TET2: variants seen among roughly 807,000 people sequenced by gnomAD.
The protein encoded by TET2 is tet methylcytosine dioxygenase 2.
Under a neutral mutation model 142.9 loss-of-function variants are expected in TET2, and 299 were observed. The observed-to-expected ratio is 2.09, with a 90% CI of 1.90 to 2.30. TET2 has a LOEUF of 2.30. Ranked by LOEUF, TET2 falls within the 30% of genes most tolerant of loss-of-function variation. The probability of loss-of-function intolerance (pLI) is 0.00; values close to 1 mark genes in which losing one functional copy is unlikely to be tolerated. For synonymous variants in TET2, 819 were observed against 849.0 expected, an observed-to-expected ratio of 0.96 and a Z score of 0.61; for missense variants, 2,418 against 2,378.0, an observed-to-expected ratio of 1.02 and a Z score of -0.35.
chr4:105,275,532 C>T lies in TET2; in HGVS notation c.5022C>T (p.Pro1674=), dbSNP rs2110313583. Residue 1674 remains proline (P), a synonymous_variant, in exon 11 of 11, where the codon CCC becomes CCT. Transcript: ENST00000380013. ...QDPLSKLSLP[P]IHTLYQPRFG... ...CTCTGTCTAAGCTCAGTCTACCACC[C>T]ATCCATACACTTTACCAGCCAAGGT... is the stretch of plus-strand genomic sequence containing the variant. The T allele has an allele frequency of 6.4e-7, 1 of 1,551,696 alleles. No homozygotes were observed. Among genetic ancestry groups the T allele is most frequent in the Non-Finnish European group, 8.7e-7 (1 of 1,146,966 alleles).
chr4:105,183,689 T>C (rs1725256347), intron 1 of TET2, among the ~76,000 whole-genome samples: 1 of 152,190 alleles, frequency 6.6e-6, no homozygotes. Flanking sequence ...TGTGGGTTTA[T>C]GGAAGTTACA....
At chr4:105,260,502 C>T (rs778135594) in intron 7 of TET2, among the ~76,000 whole-genome samples, 24 of 152,078 alleles carry the variant, frequency 1.6e-4, no homozygotes, top group Non-Finnish European at 2.8e-4. Context: ...GGACTGTCTC[C>T]GTACTAATTG....
intron 1 of TET2, among the ~76,000 whole-genome samples, chr4:105,163,404 A>G (rs1331267153): frequency 6.6e-6 from 1 of 152,212 alleles, no homozygotes; most frequent in Non-Finnish European, 1.5e-5. Flanking sequence ...AAAGGACTTT[A>G]GAGACTCAGT....
intron 1 of TET2, chr4:105,147,530 C>G (rs926190213): frequency 6.6e-6 from 1 of 151,898 alleles, no homozygotes; most frequent in Non-Finnish European, 1.5e-5. Flanking sequence ...GGGGGCTGTA[C>G]GAAGTGAATG....
intron 6 of TET2, among the ~76,000 whole-genome samples, chr4:105,244,846 G>A (rs373492073): frequency 4.0e-4 from 61 of 152,202 alleles, no homozygotes; most frequent in African/African-American, 1.2e-3. Flanking sequence ...TGCCCACCTC[G>A]GCCTCCCAAA....
At chr4:105,261,448 G>A (rs112781834) in intron 7 of TET2, among the ~76,000 whole-genome samples, 2,100 of 152,144 alleles carry the variant, frequency 0.014, 31 homozygotes, top group Middle Eastern at 0.054. Flanking sequence ...GCTAAAAAAT[G>A]TGACCTCTTT....
rs1729429627 is a variant in TET2 at position 105,243,697 on chromosome 4, C to T, written c.3722C>T (p.Ala1241Val). The change falls in exon 6 of 11, where the codon GCT becomes GTT. Residue 1241 changes from alanine to valine, a missense_variant. Transcript: ENST00000380013. ...TGGGAAGGAATCCCGCTGTCTCTGG[C>T]TGACAAACTCTACTCGGAGCTTACC... ...LVWEGIPLSL[A>V]DKLYSELTET... is the part of the protein sequence containing the mutation. 6.4e-7 allele frequency: 1 copy of T among 1,551,446 alleles called. No individual in the cohort carries two copies. The highest frequency in any genetic ancestry group is 8.7e-7 in the Non-Finnish European group (1 of 1,146,958).
intron 6 of TET2, among the ~76,000 whole-genome samples, chr4:105,252,891 A>G (rs190956353): frequency 1.2e-4 from 19 of 152,208 alleles, no homozygotes; most frequent in Admixed American, 8.5e-4. Context: ...CTTAAAGACT[A>G]TCTTTGCTTT....
chr4:105,158,228 T>A (rs79083240), intron 1 of TET2, among the ~76,000 whole-genome samples: 6,613 of 152,294 alleles, frequency 0.043, 502 homozygotes, highest in African/African-American at 0.15. Flanking sequence ...GAGTTTAATT[T>A]ACTACTGACA....
Position 105,259,660 on chromosome 4 carries a change from GTGCCTCCTTCTCT to G in TET2, c.3847_3859del (p.Ala1283LeufsTer76). ...CAGGGGCTGGATCCAGAAACCTGTG[GTGCCTCCTTCTCT>G]TTTGGTTGTTCATGGAGCATGTACT... On this transcript the variant is annotated frameshift_variant, in exon 7 of 11. Transcript: ENST00000380013. LOFTEE classifies it high-confidence loss of function. 1 of 1,551,086 alleles carries G rather than the reference GTGCCTCCTTCTCT, an allele frequency of 6.4e-7. No homozygotes were observed.
At chr4:105,244,861 C>G (rs571951680) in intron 6 of TET2, among the ~76,000 whole-genome samples, 2 of 152,262 alleles carry the variant, frequency 1.3e-5, no homozygotes, top group African/African-American at 4.8e-5. Flanking sequence ...CCCAAAGTGC[C>G]TTACAGGCAT....
chr4:105,153,590 G>T (rs1014149857), intron 1 of TET2, among the ~76,000 whole-genome samples: 1 of 149,826 alleles, frequency 6.7e-6, no homozygotes, highest in Admixed American at 6.7e-5. Flanking sequence ...CTAGAGATAG[G>T]TATTATTCTT....
At chr4:105,246,193 G>C (rs563583612) in intron 6 of TET2, among the ~76,000 whole-genome samples, 1 of 152,170 alleles carries the variant, frequency 6.6e-6, no homozygotes, top group Non-Finnish European at 1.5e-5. Context: ...AAAGTGCTGG[G>C]ATTACAGGTG....
chr4:105,257,358 G>T (rs1310550369), intron 6 of TET2, among the ~76,000 whole-genome samples: 1 of 152,036 alleles, frequency 6.6e-6, no homozygotes, highest in Admixed American at 6.5e-5. Flanking sequence ...TGTTTCTGGT[G>T]GTTGTTGTTT....
chr4:105,254,873 C>T (rs377675265), intron 6 of TET2, among the ~76,000 whole-genome samples: 1 of 152,202 alleles, frequency 6.6e-6, no homozygotes, highest in African/African-American at 2.4e-5. Flanking sequence ...TGTGAGGAAC[C>T]TATTATGACT....
rs893773026 is a variant in TET2, at chr4:105,154,232, C to T, written c.-193+7253C>T. Among the ~76,000 whole-genome samples, 4 of 152,144 alleles carry T rather than the reference C, an allele frequency of 2.6e-5. No homozygotes were observed. In the South Asian group the frequency reaches 8.3e-4, roughly 31 times the overall value. ...ATGATTGCCCAACTCTTTGAATATG[C>T]TGAAACCCACTGAATTATATGCTTT... is the stretch of plus-strand genomic sequence containing the variant. On this transcript the variant is annotated intron_variant, in intron 1 of 10. Transcript: ENST00000380013.
intron 1 of TET2, among the ~76,000 whole-genome samples, chr4:105,178,620 A>G (rs1051035861): frequency 1.3e-5 from 2 of 152,110 alleles, no homozygotes; most frequent in Non-Finnish European, 2.9e-5. Flanking sequence ...CAAATATACC[A>G]CTCTGGTATG....
intron 6 of TET2, among the ~76,000 whole-genome samples, chr4:105,256,904 T>A (rs888240849): frequency 2.0e-5 from 3 of 152,216 alleles, no homozygotes; most frequent in Non-Finnish European, 4.4e-5. Flanking sequence ...AGCTTTAGAA[T>A]TCTATTTAAT....
At chr4:105,272,232 A>G (rs183644149) in intron 9 of TET2, among the ~76,000 whole-genome samples, 12 of 152,310 alleles carry the variant, frequency 7.9e-5, no homozygotes, top group African/African-American at 2.9e-4. Flanking sequence ...AAGTGTGAAA[A>G]GCAAGAGAGT....
Sources: gnomAD v4.1 joint callset for allele counts (sites outside exome capture counted in the v4.1 genomes callset) on GRCh38, gnomAD v4.1.1 for gene constraint, MANE v1.5 for transcripts, NCBI Gene and HGNC (gene_info 2026-07-23, HGNC 2026-07-21) for gene names.